Variants in TM9SF3 observed in about 807,000 individuals in gnomAD.
The protein encoded by TM9SF3 is SM-11044-binding protein.
In TM9SF3, 14 loss-of-function variants were observed where a neutral mutation model predicts 78.6. That is an observed-to-expected ratio of 0.18 (90% CI 0.12 to 0.28). The LOEUF (loss-of-function observed/expected upper bound fraction) is 0.28, where lower values mean the gene tolerates loss of function less well. Ranked by LOEUF, TM9SF3 falls within the 10% of genes least tolerant of loss-of-function variation. TM9SF3 has a pLI of 1.00. For missense variants in TM9SF3, 496 were observed against 721.9 expected (o/e 0.69, Z 3.59); for synonymous variants, 231 against 241.7 (o/e 0.96, Z 0.41).
At chr10:96,572,524 T>TG (rs1848447415) in intron 2 of TM9SF3, among the ~76,000 whole-genome samples, 1 of 147,276 alleles carries the variant, frequency 6.8e-6, no homozygotes, top group Non-Finnish European at 1.5e-5. Flanking sequence ...TAACGCATTT[T>TG]CTTTTTTTTT....
intron 1 of TM9SF3, among the ~76,000 whole-genome samples, chr10:96,578,101 C>T (rs1247650363): frequency 6.6e-6 from 1 of 152,068 alleles, no homozygotes; most frequent in African/African-American, 2.4e-5. Context: ...ATGTTCTTAC[C>T]AAAAACATCT....
chr10:96,580,196 C>T (rs1448968316), intron 1 of TM9SF3, among the ~76,000 whole-genome samples: 1 of 152,216 alleles, frequency 6.6e-6, no homozygotes, highest in South Asian at 2.1e-4. Flanking sequence ...CTCACTGCTA[C>T]ACTTACGTCA....
chr10:96,550,340 T>C (rs1848151912), intron 7 of TM9SF3, among the ~76,000 whole-genome samples: 1 of 152,214 alleles, frequency 6.6e-6, no homozygotes, highest in African/African-American at 2.4e-5. Flanking sequence ...AACAAATATT[T>C]AGTATACAGT....
chr10:96,562,160 A>G lies in TM9SF3; in HGVS notation c.422-22T>C, dbSNP rs147342848. 5.8e-3 allele frequency: 8,797 copies of G among 1,512,966 alleles called. 33 individuals carry two copies. Among genetic ancestry groups the G allele is most frequent in the Non-Finnish European group, 6.7e-3 (7,386 of 1,108,604 alleles). The allele number at this position is 1,512,966 out of a possible 1,614,324, so 93.7% of individuals were successfully genotyped here. A position where few individuals can be genotyped will look rare whatever the true frequency, so the allele number is the denominator to read the frequency against. On this transcript the variant is annotated intron_variant, in intron 3 of 14. Coordinates refer to ENST00000371142, the MANE Select transcript of TM9SF3 (RefSeq NM_020123.4). Reference sequence around the variant, plus strand: ...ATACCTACAAAAGAAAAAACACTTTATACAAGGTAAAACCACTTAATATTT... The same window carrying G: ...ATACCTACAAAAGAAAAAACACTTTGTACAAGGTAAAACCACTTAATATTT...
chr10:96,572,525 C>CTTTTTTTT (rs35050136), intron 2 of TM9SF3, among the ~76,000 whole-genome samples: 1 of 131,528 alleles, frequency 7.6e-6, no homozygotes, highest in African/African-American at 2.8e-5. Context: ...AACGCATTTT[C>CTTTTTTTT]TTTTTTTTTT....
chr10:96,524,735 A>C (rs966340247), intron 14 of TM9SF3, among the ~76,000 whole-genome samples: 2 of 152,000 alleles, frequency 1.3e-5, no homozygotes, highest in Non-Finnish European at 2.9e-5. Context: ...CCTACATTAA[A>C]AAAAATCAAC....
chr10:96,537,196 A>AT (rs751129337), intron 9 of TM9SF3, among the ~76,000 whole-genome samples: 2 of 151,524 alleles, frequency 1.3e-5, no homozygotes, highest in African/African-American at 2.4e-5. Flanking sequence ...CCACATAACA[A>AT]TTTTTTTTTG....
intron 1 of TM9SF3, among the ~76,000 whole-genome samples, chr10:96,578,315 C>A (rs902629407): frequency 2.6e-5 from 4 of 152,044 alleles, no homozygotes; most frequent in African/African-American, 9.7e-5. Context: ...AAAATACTGT[C>A]GTTTCCTTAA....
intron 6 of TM9SF3, among the ~76,000 whole-genome samples, chr10:96,552,415 C>T (rs1377815654): frequency 6.6e-6 from 1 of 152,222 alleles, no homozygotes; most frequent in South Asian, 2.1e-4. Context: ...CACCACTACA[C>T]TCCAGCCTGT....
At chr10:96,530,486 A>G in intron 11 of TM9SF3, 54 bp downstream of exon 11, 1 of 1,442,232 alleles carries the variant, frequency 6.9e-7, no homozygotes, top group Non-Finnish European at 9.5e-7. Flanking sequence ...TAACTCCTAA[A>G]TTGTCTTACT....
chr10:96,560,482 T>A lies in TM9SF3; in HGVS notation c.583-746A>T. 6 of 754,788 alleles carry A rather than the reference T, an allele frequency of 7.9e-6. No individual in the cohort carries two copies. In the South Asian group the frequency reaches 8.0e-5, roughly 10 times the overall value. 46.8% of individuals were successfully genotyped at this position (754,788 alleles called of 1,614,324 possible). A position where few individuals can be genotyped will look rare whatever the true frequency, so the allele number is the denominator to read the frequency against. ...TTTGAAATCACACCACCAGTGCTTT[T>A]ATGGTTGAAGTGTGGTTCAGGGCCA... On this transcript the variant is annotated intron_variant, in intron 4 of 14. Coordinates refer to ENST00000371142, the MANE Select transcript of TM9SF3 (RefSeq NM_020123.4).
intron 7 of TM9SF3, among the ~76,000 whole-genome samples, chr10:96,549,181 A>G (rs1348369374): frequency 6.6e-6 from 1 of 152,154 alleles, no homozygotes; most frequent in African/African-American, 2.4e-5. Flanking sequence ...CTGATCCTCT[A>G]CCTTATACCC....
chr10:96,574,951 A>G (rs1196434013), intron 2 of TM9SF3, among the ~76,000 whole-genome samples: 2 of 152,156 alleles, frequency 1.3e-5, no homozygotes, highest in African/African-American at 2.4e-5. Flanking sequence ...AAGGGATAGC[A>G]TTAGGAGAAA....
At chr10:96,566,252 T>G (rs1447542166) in intron 2 of TM9SF3, among the ~76,000 whole-genome samples, 2 of 152,250 alleles carry the variant, frequency 1.3e-5, no homozygotes, top group African/African-American at 4.8e-5. Flanking sequence ...AGTTTGTTTT[T>G]AAGTTCTATA....
chr10:96,567,752 T>C (rs999193836), intron 2 of TM9SF3, among the ~76,000 whole-genome samples: 103 of 152,224 alleles, frequency 6.8e-4, no homozygotes, highest in Non-Finnish European at 1.4e-3. Context: ...TAACTGATTA[T>C]ATCCTTTTTA....
rs1349314395 is a variant in TM9SF3 at position 96,518,198 on chromosome 10, T to C, written c.*4065A>G. ...AACCTCAATTGTATTTGATACATTA[T>C]ATACTGGATTTCTATTACTAAAAAG... On this transcript the variant is annotated 3_prime_UTR_variant, in exon 15 of 15. Coordinates refer to ENST00000371142, the MANE Select transcript of TM9SF3 (RefSeq NM_020123.4). The C allele has an allele frequency of 1.3e-5, 2 of 152,210 alleles. No individual in the cohort carries two copies. Among genetic ancestry groups the C allele is most frequent in the East Asian group, 3.8e-4 (2 of 5,200 alleles). The allele number at this position is 152,210 out of a possible 1,614,324, so 9.4% of individuals were successfully genotyped here.
At chr10:96,586,227 G>A (rs1402750254) in intron 1 of TM9SF3, among the ~76,000 whole-genome samples, 1 of 152,204 alleles carries the variant, frequency 6.6e-6, no homozygotes, top group African/African-American at 2.4e-5. Context: ...TCCGGTCTGG[G>A]CAGAAGCGGG....
chr10:96,531,228 T>C (rs548939223), intron 10 of TM9SF3, among the ~76,000 whole-genome samples: 61 of 152,322 alleles, frequency 4.0e-4, no homozygotes, highest in African/African-American at 1.1e-3. Context: ...ATTTCTCTCC[T>C]GAAAGCATTG....
intron 8 of TM9SF3, among the ~76,000 whole-genome samples, chr10:96,547,238 C>T (rs565284931): frequency 3.6e-4 from 55 of 152,304 alleles, no homozygotes; most frequent in Middle Eastern, 6.8e-3. Context: ...TGTCCAGAAA[C>T]TTTACCCACA....
Sources: gnomAD v4.1 joint callset for allele counts (sites outside exome capture counted in the v4.1 genomes callset) on GRCh38, gnomAD v4.1.1 for gene constraint, MANE v1.5 for transcripts, NCBI Gene and HGNC (gene_info 2026-07-23, HGNC 2026-07-21) for gene names.